The following ITGAL variants were observed in gnomAD, a reference collection of about 807,000 sequenced individuals.
ITGAL encodes the protein integrin alpha-L.
ITGAL carries 68 observed loss-of-function variants against 138.4 expected under a neutral mutation model. That is an observed-to-expected ratio of 0.49 (90% CI 0.40 to 0.60). The LOEUF (loss-of-function observed/expected upper bound fraction) is 0.60, where lower values mean the gene tolerates loss of function less well. Ranked by LOEUF, ITGAL falls within the 20% of genes least tolerant of loss-of-function variation. The pLI is 0.00. For missense variants in ITGAL, 1,256 were observed against 1,478.6 expected (o/e 0.85, Z 2.47); for synonymous variants, 561 against 584.3 (o/e 0.96, Z 0.57).
Position 30,484,105 on chromosome 16 carries a change from C to T in ITGAL, c.856-8C>T. The T allele has an allele frequency of 6.2e-7, 1 of 1,612,896 alleles. No homozygotes were observed. The highest frequency in any genetic ancestry group is 8.5e-7 in the Non-Finnish European group (1 of 1,179,254). On this transcript the variant is annotated splice_region_variant and splice_polypyrimidine_tract_variant and intron_variant, in intron 8 of 30. Transcript: ENST00000356798. ...GATTTCAGCTCTTCACTCTCCACTC[C>T]CTCACAGATTGGAAAGCATTTTCAG...
chr16:30,494,101 T>G lies in ITGAL; in HGVS notation c.1214-111T>G, dbSNP rs2050763914. On this transcript the variant is annotated intron_variant, in intron 11 of 30. Transcript: ENST00000356798. This position sits in a 1 kb window ranked among gnomAD's most constrained non-coding sequence, Gnocchi z 4.2. ...TCTCAGGAGAAGGTCTTCAGCTGTT[T>G]CCATGCATCTCTGCTACTAACCCAA... The G allele has an allele frequency of 4.4e-5, 39 of 880,796 alleles. No individual in the cohort carries two copies. In the South Asian group the frequency reaches 7.5e-4, roughly 17 times the overall value. 54.6% of individuals were successfully genotyped at this position (880,796 alleles called of 1,614,324 possible).
Position 30,510,941 on chromosome 16 carries a change from T to C in ITGAL, c.2680T>C (p.Leu894=), listed in dbSNP as rs1335366170. The C allele has an allele frequency of 4.3e-6, 7 of 1,613,954 alleles. No homozygotes were observed. Among genetic ancestry groups the C allele is most frequent in the South Asian group, 2.2e-5 (2 of 91,064 alleles). The change falls in exon 23 of 31, where the codon TTG becomes CTG. Residue 894 remains leucine, a synonymous_variant. Transcript: ENST00000356798. The stretch of plus-strand genomic sequence containing the variant: ...CAGCTCCTGGGGGGACTCGGTTGAA[T>C]TGCACGCCAATGTGACCTGGTGAGC... ...VNSSWGDSVE[L]HANVTCNNED... is the part of the protein sequence containing the mutation.
intron 20 of ITGAL, among the ~76,000 whole-genome samples, chr16:30,506,508 A>C (rs1338776885): frequency 7.5e-6 from 1 of 132,624 alleles, no homozygotes; most frequent in African/African-American, 3.0e-5. Context: ...GCAGTGAGCC[A>C]AGATCGCGCC....
In ITGAL at chr16:30,510,470, C is replaced by T. The variant is rs780653373; in HGVS notation, c.2618C>T (p.Ser873Leu). Residue 873 changes from serine to leucine, a missense_variant and splice_region_variant, in exon 22 of 31, where the codon TCG (serine) becomes TTG (leucine). This residue lies in a region of ITGAL where 867 missense variants were observed against 972.5 expected (regional missense o/e 0.89). Coordinates refer to ENST00000356798, the MANE Select transcript of ITGAL (RefSeq NM_002209.3). Reference sequence around the variant, plus strand: ...TCTCCCATCTTCAAAGCAGGCCACTCGGTGAGTGCTTCAAGTCTCCAGGGA... The same window carrying T: ...TCTCCCATCTTCAAAGCAGGCCACTTGGTGAGTGCTTCAAGTCTCCAGGGA... ...VSSPIFKAGH[S>L]VALQMMFNTL... The T allele has an allele frequency of 4.5e-6, 7 of 1,570,764 alleles. No homozygotes were observed. Among genetic ancestry groups the T allele is most frequent in the East Asian group, 2.2e-5 (1 of 44,664 alleles).
rs1216288487 is a variant in ITGAL, at chr16:30,474,289, T to TCGGAAA, written c.159_164dup (p.Asn54_Gly55dup). ...CACTTTGGATACCGCGTCCTGCAGG[T>TCGGAAA]CGGAAACGGGTGAGCTGTGCCCCAC... On this transcript the variant is annotated inframe_insertion, in exon 2 of 31. Coordinates refer to ENST00000356798, the MANE Select transcript of ITGAL (RefSeq NM_002209.3). 3.0e-5 allele frequency: 48 copies of TCGGAAA among 1,604,184 alleles called. No individual in the cohort carries two copies. Among genetic ancestry groups the TCGGAAA allele is most frequent in the Middle Eastern group, 1.7e-4 (1 of 6,052 alleles).
intron 8 of ITGAL, 35 bp from the exon 9 acceptor site, chr16:30,484,078 G>A (rs1287050922): frequency 6.2e-7 from 1 of 1,604,228 alleles, no homozygotes; most frequent in African/African-American, 1.3e-5. Context: ...TGAGGTTTGG[G>A]GGATTTCAGC....
intron 2 of ITGAL, 182 bp downstream of exon 2, chr16:30,474,480 G>T: frequency 1.7e-6 from 1 of 590,626 alleles, no homozygotes; most frequent in Admixed American, 3.0e-5. Context: ...TCAAAAAGCG[G>T]GATACACGCG....
intron 25 of ITGAL, 31 bp from the exon 26 acceptor site, chr16:30,516,942 A>G (rs1176561862): frequency 4.0e-6 from 6 of 1,495,754 alleles, no homozygotes; most frequent in Non-Finnish European, 5.6e-6. Flanking sequence ...GCTGGCATTC[A>G]GGGCTCTGCA....
Position 30,499,230 on chromosome 16 carries a change from C to T in ITGAL, c.1989C>T (p.Phe663=). 1.9e-6 allele frequency: 3 copies of T among 1,614,104 alleles called. No homozygotes were observed. ...AGATCAAGTCTCTCATCCCCCAGTT[C>T]CAAGGTCAGAGCTCTCCTCCTGCTC... ...CFQIKSLIPQ[F]QGRLVANLTY... is the part of the protein sequence containing the mutation. The change falls in exon 16 of 31, where the codon TTC becomes TTT. Residue 663 remains phenylalanine (F), a synonymous_variant. Coordinates refer to ENST00000356798, the MANE Select transcript of ITGAL (RefSeq NM_002209.3).
chr16:30,479,064 C>T (rs778073105), intron 4 of ITGAL, 27 bp from the exon 5 acceptor site: 11 of 1,580,542 alleles, frequency 7.0e-6, no homozygotes, highest in East Asian at 4.5e-5. Flanking sequence ...ATAGGAGACC[C>T]AAATCTTTGG....
At chr16:30,495,998 A>T (rs543354567) in intron 13 of ITGAL, 99 bp from the exon 14 acceptor site, 28 of 981,960 alleles carry the variant, frequency 2.9e-5, no homozygotes, top group Middle Eastern at 6.3e-4. Flanking sequence ...CAATTCTGTG[A>T]GGGACCCCAT....
intron 7 of ITGAL, 28 bp downstream of exon 7, chr16:30,481,612 T>C: frequency 6.2e-7 from 1 of 1,611,342 alleles, no homozygotes; most frequent in Non-Finnish European, 8.5e-7. Context: ...GGAGAGCACG[T>C]GTCCTGTGAT....
Position 30,517,671 on chromosome 16 carries a change from A to AT in ITGAL, c.3000dup (p.Glu1001Ter). ...TAGGAGCCTCCCGTGCCCTGCCACTATGAGGATCTGGAGAGGCTCCCGGAT... is the reference window on the plus strand; with the variant it reads ...TAGGAGCCTCCCGTGCCCTGCCACTATTGAGGATCTGGAGAGGCTCCCGGAT... On this transcript the variant is annotated frameshift_variant, in exon 27 of 31. Transcript: ENST00000356798. LOFTEE classifies it high-confidence loss of function. The AT allele has an allele frequency of 6.2e-7, 1 of 1,614,128 alleles. No homozygotes were observed. Among genetic ancestry groups the AT allele is most frequent in the Non-Finnish European group, 8.5e-7 (1 of 1,179,974 alleles).
intron 6 of ITGAL, 85 bp from the exon 7 acceptor site, chr16:30,481,354 A>G: frequency 2.0e-6 from 2 of 994,780 alleles, no homozygotes; most frequent in Non-Finnish European, 2.8e-6. Flanking sequence ...CTAAAAAAAA[A>G]AAAAAAAAAA....
chr16:30,485,221 C>T (rs2050625530), intron 9 of ITGAL, among the ~76,000 whole-genome samples: 1 of 95,554 alleles, frequency 1.0e-5, no homozygotes, highest in Non-Finnish European at 2.0e-5. Context: ...CTTCTTTTCT[C>T]TTCTCTCTTT....
At chr16:30,508,954 A>T (rs2051048088) in intron 21 of ITGAL, among the ~76,000 whole-genome samples, 1 of 152,180 alleles carries the variant, frequency 6.6e-6, no homozygotes. Context: ...AGGTGGGCAG[A>T]TCATCTGAGG....
Position 30,521,640 on chromosome 16 carries a change from C to CT in ITGAL, c.3489dup (p.Glu1164Ter). 6.2e-7 allele frequency: 1 copy of CT among 1,614,042 alleles called. No individual in the cohort carries two copies. Among genetic ancestry groups the CT allele is most frequent in the East Asian group, 2.2e-5 (1 of 44,890 alleles). On this transcript the variant is annotated frameshift_variant, in exon 31 of 31. Coordinates refer to ENST00000356798, the MANE Select transcript of ITGAL (RefSeq NM_002209.3). LOFTEE classifies it high-confidence loss of function. ...CTGAAGCCCCTCCATGAGAAGGACT[C>CT]TGAGAGTGGTGGTGGCAAGGACTGA...
intron 17 of ITGAL, among the ~76,000 whole-genome samples, chr16:30,501,298 G>A (rs1049537176): frequency 6.6e-6 from 1 of 151,948 alleles, no homozygotes; most frequent in African/African-American, 2.4e-5. Flanking sequence ...ATGTTTGGCT[G>A]GGCACGGTGG....
At chr16:30,484,760 A>G (rs1418967857) in intron 9 of ITGAL, among the ~76,000 whole-genome samples, 1 of 152,038 alleles carries the variant, frequency 6.6e-6, no homozygotes, top group African/African-American at 2.4e-5. Flanking sequence ...CTCTACTAAA[A>G]ATACAAAAAT....
Sources: gnomAD v4.1 joint callset for allele counts (sites outside exome capture counted in the v4.1 genomes callset) on GRCh38, gnomAD v4.1.1 for gene constraint, gnomAD v4.1.1 regional missense constraint, Gnocchi (gnomAD v3.1) non-coding constraint, MANE v1.5 for transcripts, NCBI Gene and HGNC (gene_info 2026-07-23, HGNC 2026-07-21) for gene names.